The following KBTBD3 variants were observed in gnomAD, a reference collection of about 807,000 sequenced individuals.
KBTBD3 encodes the protein kelch repeat and BTB domain-containing protein 3.
KBTBD3 carries 38 observed loss-of-function variants against 49.6 expected under a neutral mutation model. That is an observed-to-expected ratio of 0.77 (90% CI 0.59 to 1.00). KBTBD3 has a LOEUF of 1.00. Among genes scored for constraint, KBTBD3 ranks in the 50% least tolerant of loss-of-function variants. The pLI, the probability that KBTBD3 is intolerant of heterozygous loss-of-function variation, is 0.00. For synonymous variants in KBTBD3, 214 were observed against 250.4 expected (o/e 0.85, Z 1.37); for missense variants, 661 against 712.0 (o/e 0.93, Z 0.81).
intron 3 of KBTBD3, among the ~76,000 whole-genome samples, chr11:106,058,567 G>A (rs1409333329): frequency 1.3e-5 from 2 of 151,824 alleles, no homozygotes; most frequent in Non-Finnish European, 2.9e-5. Flanking sequence ...GGGATTACAG[G>A]CGCACGCCAT....
chr11:106,059,224 A>C (rs1258037751), intron 2 of KBTBD3, 115 bp from the exon 3 acceptor site: 1 of 582,846 alleles, frequency 1.7e-6, no homozygotes, highest in African/African-American at 2.0e-5. Context: ...AAATAATAAG[A>C]CAGTAAAACT....
At chr11:106,069,412 G>A (rs1340975843) in intron 2 of KBTBD3, among the ~76,000 whole-genome samples, 3 of 151,576 alleles carry the variant, frequency 2.0e-5, no homozygotes, top group African/African-American at 7.3e-5. Flanking sequence ...CAGGACACAA[G>A]AGCATCACAC....
rs1445191298 is a variant in KBTBD3 at position 106,059,173 on chromosome 11, C to T, written c.-12-64G>A. 50 of 881,322 alleles carry T rather than the reference C, an allele frequency of 5.7e-5. 1 individual carries two copies. Among genetic ancestry groups the T allele is most frequent in the Middle Eastern group, 6.6e-4 (2 of 3,048 alleles). The allele number at this position is 881,322 out of a possible 1,614,324, so 54.6% of individuals were successfully genotyped here. On this transcript the variant is annotated intron_variant, in intron 2 of 3. Coordinates refer to ENST00000531837, the MANE Select transcript of KBTBD3 (RefSeq NM_198439.3). Reference sequence around the variant, plus strand: ...AATGCAAGTTTCAGACTCCAAAATTCGCCCTCTTGATGGCAAATACACAAA... The same window carrying T: ...AATGCAAGTTTCAGACTCCAAAATTTGCCCTCTTGATGGCAAATACACAAA...
chr11:106,071,892 T>C (rs112229944), intron 2 of KBTBD3, among the ~76,000 whole-genome samples: 1 of 152,190 alleles, frequency 6.6e-6, no homozygotes, highest in African/African-American at 2.4e-5. Flanking sequence ...ATGTAAATAT[T>C]AATGATTAAA....
At chr11:106,063,416 T>G (rs1860742337) in intron 2 of KBTBD3, among the ~76,000 whole-genome samples, 1 of 152,350 alleles carries the variant, frequency 6.6e-6, no homozygotes, top group African/African-American at 2.4e-5. Context: ...AATTGTTCTT[T>G]GCTCAAACTC....
intron 2 of KBTBD3, among the ~76,000 whole-genome samples, chr11:106,070,193 T>C (rs1860890819): frequency 6.6e-6 from 1 of 152,022 alleles, no homozygotes; most frequent in East Asian, 1.9e-4. Context: ...CAGGGTCTCA[T>C]TAATGAGCTC....
chr11:106,059,918 GT>G (rs1860649793), intron 2 of KBTBD3, among the ~76,000 whole-genome samples: 1 of 152,178 alleles, frequency 6.6e-6, no homozygotes, highest in African/African-American at 2.4e-5. Context: ...TTCTGTTCCA[GT>G]TATCACCCTA....
chr11:106,068,177 T>C (rs542473103), intron 2 of KBTBD3, among the ~76,000 whole-genome samples: 2 of 152,208 alleles, frequency 1.3e-5, no homozygotes, highest in African/African-American at 4.8e-5. Flanking sequence ...CTCTTCTCTC[T>C]AAAATTAATA....
At chr11:106,076,173 C>T in intron 2 of KBTBD3, 1 of 152,186 alleles carries the variant, frequency 6.6e-6, no homozygotes, top group East Asian at 1.9e-4. Flanking sequence ...ACTTACGTAT[C>T]TTTACACTGT....
At chr11:106,065,214 GCCAAGATGGTCTTGATCTCTTGACCTCGT>G (rs989909746) in intron 2 of KBTBD3, among the ~76,000 whole-genome samples, 2 of 152,046 alleles carry the variant, frequency 1.3e-5, no homozygotes, top group African/African-American at 4.8e-5. Context: ...CACCATGTTG[GCCAAGATGGTCTTGATCTCTTGACCTCGT>G]GATCCGCCCA....
rs1376584958 is a variant in KBTBD3, at chr11:106,054,332, A to G, written c.357T>C (p.Asp119=). Reference sequence around the variant, plus strand: ...ACTGGAAGAACATTTCCACATTATCATCTGTTATTTTTGTTTTTCCAGTAT... The same window carrying G: ...ACTGGAAGAACATTTCCACATTATCGTCTGTTATTTTTGTTTTTCCAGTAT... ...YAYTGKTKIT[D]DNVEMFFQLS... The change falls in exon 4 of 4, where the codon GAT becomes GAC. Residue 119 remains aspartate, a synonymous_variant. Coordinates refer to ENST00000531837, the MANE Select transcript of KBTBD3 (RefSeq NM_198439.3). 2 of 1,613,222 alleles carry G rather than the reference A, an allele frequency of 1.2e-6. No individual in the cohort carries two copies. The highest frequency in any genetic ancestry group is 1.3e-5 in the African/African-American group (1 of 74,908).
intron 3 of KBTBD3, among the ~76,000 whole-genome samples, chr11:106,058,351 A>C (rs1342406578): frequency 6.6e-6 from 1 of 151,288 alleles, no homozygotes; most frequent in African/African-American, 2.4e-5. Flanking sequence ...ACTGCACTCC[A>C]GCCTGGGCGA....
At chr11:106,073,303 T>A (rs1013973146) in intron 2 of KBTBD3, among the ~76,000 whole-genome samples, 2 of 149,486 alleles carry the variant, frequency 1.3e-5, no homozygotes, top group African/African-American at 4.9e-5. Context: ...GATCTCACTA[T>A]GTTACCCAAG....
intron 2 of KBTBD3, among the ~76,000 whole-genome samples, chr11:106,061,925 C>T (rs1276403809): frequency 3.3e-5 from 5 of 151,622 alleles, no homozygotes; most frequent in African/African-American, 1.2e-4. Flanking sequence ...CAGATTAATA[C>T]ATCTGCCTAG....
chr11:106,063,038 T>C (rs1253637184), intron 2 of KBTBD3, among the ~76,000 whole-genome samples: 2 of 152,262 alleles, frequency 1.3e-5, no homozygotes, highest in Non-Finnish European at 2.9e-5. Context: ...TGTATAAAAA[T>C]CATACATCTT....
intron 2 of KBTBD3, among the ~76,000 whole-genome samples, chr11:106,062,174 A>C (rs900346347): frequency 2.0e-5 from 3 of 152,150 alleles, no homozygotes; most frequent in African/African-American, 7.2e-5. Flanking sequence ...GTAACTATGA[A>C]TAGGGAGACA....
chr11:106,071,321 T>C (rs1860913953), intron 2 of KBTBD3, among the ~76,000 whole-genome samples: 2 of 152,106 alleles, frequency 1.3e-5, no homozygotes. Flanking sequence ...CCTGAGAATA[T>C]CAATTTTTAA....
At chr11:106,060,628 T>C (rs1565403168) in intron 2 of KBTBD3, among the ~76,000 whole-genome samples, 3 of 152,154 alleles carry the variant, frequency 2.0e-5, no homozygotes, top group South Asian at 4.1e-4. Flanking sequence ...TTACACCTTA[T>C]ACAAAAATTA....
At chr11:106,059,422 A>T (rs970327029) in intron 2 of KBTBD3, among the ~76,000 whole-genome samples, 2 of 152,194 alleles carry the variant, frequency 1.3e-5, no homozygotes, top group Non-Finnish European at 2.9e-5. Flanking sequence ...CATGATTAAT[A>T]TTATTACTAT....
Sources: gnomAD v4.1 joint callset for allele counts (sites outside exome capture counted in the v4.1 genomes callset) on GRCh38, gnomAD v4.1.1 for gene constraint, MANE v1.5 for transcripts, NCBI Gene and HGNC (gene_info 2026-07-23, HGNC 2026-07-21) for gene names.